NEK11: variants seen among roughly 807,000 people sequenced by gnomAD.
The protein encoded by NEK11 is NIMA related kinase 11.
Under a neutral mutation model 80.7 loss-of-function variants are expected in NEK11, and 72 were observed. That is an observed-to-expected ratio of 0.89 (90% CI 0.74 to 1.08). NEK11 has a LOEUF of 1.08. Among genes scored for constraint, NEK11 ranks in the 50% least tolerant of loss-of-function variants. NEK11 has a pLI of 0.00. For synonymous variants in NEK11, 251 were observed against 260.7 expected, an observed-to-expected ratio of 0.96 and a Z score of 0.36; for missense variants, 764 against 763.6, an observed-to-expected ratio of 1.00 and a Z score of -0.01.
intron 4 of NEK11, chr3:131,092,761 A>C (rs2076912175): frequency 6.6e-6 from 1 of 152,198 alleles, no homozygotes; most frequent in African/African-American, 2.4e-5. Context: ...CATTCTACAA[A>C]AGATGCCCAT....
chr3:131,176,706 A>G (rs1001106499), intron 14 of NEK11, among the ~76,000 whole-genome samples: 15 of 152,292 alleles, frequency 9.8e-5, no homozygotes, highest in African/African-American at 3.1e-4. Flanking sequence ...CCACTTTGAC[A>G]TGGCATCCTA....
At chr3:131,042,461 T>C (rs1577340347) in intron 3 of NEK11, among the ~76,000 whole-genome samples, 1 of 152,086 alleles carries the variant, frequency 6.6e-6, no homozygotes, top group African/African-American at 2.4e-5. Context: ...CTTGAGTAGG[T>C]GGTTTTCCCT....
At chr3:131,348,772 T>C (rs1183895121) in intron 17 of NEK11, among the ~76,000 whole-genome samples, 2 of 151,754 alleles carry the variant, frequency 1.3e-5, no homozygotes, top group Non-Finnish European at 2.9e-5. Flanking sequence ...TGGTGGAAAC[T>C]TGGCCAAATA....
intron 14 of NEK11, among the ~76,000 whole-genome samples, chr3:131,192,578 A>G (rs551624263): frequency 6.6e-6 from 1 of 152,344 alleles, no homozygotes; most frequent in South Asian, 2.1e-4. Flanking sequence ...AGTATAACAT[A>G]CATACAATGG....
intron 14 of NEK11, among the ~76,000 whole-genome samples, chr3:131,206,815 T>C (rs924044500): frequency 3.3e-5 from 5 of 152,214 alleles, no homozygotes; most frequent in Non-Finnish European, 7.3e-5. Flanking sequence ...GTATTTCTCC[T>C]AATGCTATCC....
chr3:131,098,502 T>G (rs916260129), intron 4 of NEK11, among the ~76,000 whole-genome samples: 8 of 152,172 alleles, frequency 5.3e-5, no homozygotes, highest in African/African-American at 1.7e-4. Context: ...TTAGTGATGA[T>G]GAGCATTTTT....
intron 17 of NEK11, among the ~76,000 whole-genome samples, chr3:131,305,568 C>T (rs2096714807): frequency 1.3e-5 from 2 of 152,164 alleles, no homozygotes; most frequent in African/African-American, 4.8e-5. Context: ...ATTGGCATGT[C>T]TTGTCCCTGG....
intron 3 of NEK11, among the ~76,000 whole-genome samples, chr3:131,054,743 T>C (rs1324060482): frequency 6.9e-6 from 1 of 144,158 alleles, no homozygotes; most frequent in African/African-American, 2.6e-5. Context: ...GGTGACAGCC[T>C]GCCTCTAAAT....
At chr3:131,124,762 G>A (rs115363152) in intron 5 of NEK11, among the ~76,000 whole-genome samples, 1,974 of 152,276 alleles carry the variant, frequency 0.013, 34 homozygotes, top group African/African-American at 0.043. Flanking sequence ...TCTAGGTATC[G>A]TGGGAATGTA....
intron 4 of NEK11, among the ~76,000 whole-genome samples, chr3:131,097,819 A>G (rs1051764489): frequency 1.5e-5 from 2 of 136,142 alleles, no homozygotes; most frequent in African/African-American, 5.2e-5. Context: ...TAAAGTTCAT[A>G]TGGAACCAAA....
intron 4 of NEK11, among the ~76,000 whole-genome samples, chr3:131,092,524 C>T (rs568225096): frequency 2.6e-5 from 4 of 152,202 alleles, no homozygotes; most frequent in Admixed American, 6.5e-5. Flanking sequence ...GAGTTTCTAC[C>T]GTATCAGACA....
intron 17 of NEK11, among the ~76,000 whole-genome samples, chr3:131,346,948 G>C (rs567309702): frequency 3.7e-4 from 56 of 152,310 alleles, no homozygotes; most frequent in African/African-American, 1.1e-3. Flanking sequence ...CAAGAATACA[G>C]AAGTTAAGAA....
chr3:131,308,980 A>G (rs1252174326), intron 17 of NEK11, among the ~76,000 whole-genome samples: 1 of 152,304 alleles, frequency 6.6e-6, no homozygotes, highest in Non-Finnish European at 1.5e-5. Context: ...TTGTGTTCCT[A>G]TGAGAATCTA....
In NEK11 at chr3:131,054,149, G is replaced by A. The variant is rs116109706; in HGVS notation, c.170+24271G>A. 8.2e-3 allele frequency among the ~76,000 whole-genome samples: 1,252 copies of A among 152,228 alleles called. 17 individuals are homozygous for A. Among genetic ancestry groups the A allele is most frequent in the African/African-American group, 0.029 (1,191 of 41,546 alleles). On this transcript the variant is annotated intron_variant, in intron 3 of 17. Coordinates refer to ENST00000383366, the MANE Select transcript of NEK11 (RefSeq NM_024800.5). The stretch of plus-strand genomic sequence containing the variant: ...GTGGATCGGTTGAATCCAGGGGTTT[G>A]AGACCAGCCTGGGCAACATGGCAAA...
intron 16 of NEK11, among the ~76,000 whole-genome samples, chr3:131,244,503 CT>C (rs1474174384): frequency 4.6e-5 from 7 of 152,074 alleles, no homozygotes; most frequent in Non-Finnish European, 1.0e-4. Flanking sequence ...CCTTAGAGAC[CT>C]CCAGGATGAG....
chr3:131,344,398 A>T (rs1040364859), intron 17 of NEK11, among the ~76,000 whole-genome samples: 1 of 152,208 alleles, frequency 6.6e-6, no homozygotes, highest in Admixed American at 6.5e-5. Context: ...TTTGGTCACA[A>T]CCATTTAACC....
At chr3:131,146,692 A>T (rs536143922) in intron 7 of NEK11, among the ~76,000 whole-genome samples, 1 of 152,188 alleles carries the variant, frequency 6.6e-6, no homozygotes, top group Non-Finnish European at 1.5e-5. Context: ...TTCATAGTAT[A>T]ACAAGTACTG....
rs969259958 is a variant in NEK11, at chr3:131,170,883, C to A, written c.1395C>A (p.Tyr465Ter). 1.2e-6 allele frequency: 2 copies of A among 1,607,322 alleles called. No individual in the cohort carries two copies. The highest frequency in any genetic ancestry group is 2.7e-5 in the African/African-American group (2 of 74,750). The change falls in exon 14 of 18, where the codon TAC becomes TAA. Residue 465 changes from tyrosine (Y) to a stop codon, truncating the protein, a stop_gained. Transcript: ENST00000383366. LOFTEE classifies it high-confidence loss of function. ...AGGATGCCACATCTGACCTTGGATA[C>A]CATGGTATGTGTTTGCATTGATTTT... ...IVEDATSDLG[Y>*]HEIPEDPLVA... is the part of the protein sequence containing the mutation.
At chr3:131,145,057 G>A (rs1278577113) in intron 7 of NEK11, among the ~76,000 whole-genome samples, 3 of 152,070 alleles carry the variant, frequency 2.0e-5, no homozygotes, top group Non-Finnish European at 4.4e-5. Context: ...AGGCTGGAGT[G>A]CAGTTGTACA....
Sources: allele counts gnomAD v4.1 joint callset (sites outside exome capture counted in the v4.1 genomes callset), GRCh38; gene constraint gnomAD v4.1.1; transcripts MANE v1.5; gene names NCBI Gene and HGNC (gene_info 2026-07-23, HGNC 2026-07-21).